The following SLC24A4 variants were observed in gnomAD, a reference collection of about 807,000 sequenced individuals.
The protein encoded by SLC24A4 is solute carrier family 24 member 4.
In SLC24A4, 53 loss-of-function variants were observed where a neutral mutation model predicts 79.0. The observed-to-expected ratio is 0.67, with a 90% CI of 0.54 to 0.84. SLC24A4 has a LOEUF of 0.84. Ranked by LOEUF, SLC24A4 falls within the 40% of genes least tolerant of loss-of-function variation. The pLI is 0.00. For synonymous variants in SLC24A4, 323 were observed against 323.8 expected, an observed-to-expected ratio of 1.00 and a Z score of 0.03; for missense variants, 731 against 822.0, an observed-to-expected ratio of 0.89 and a Z score of 1.35.
At chr14:92,431,971 T>C (rs1032527010) in intron 2 of SLC24A4, among the ~76,000 whole-genome samples, 3 of 152,168 alleles carry the variant, frequency 2.0e-5, no homozygotes, top group Non-Finnish European at 4.4e-5. Flanking sequence ...GCCTGGGTGC[T>C]CTGAGCTGCT....
intron 12 of SLC24A4, among the ~76,000 whole-genome samples, chr14:92,474,567 C>T (rs1486393228): frequency 6.6e-6 from 1 of 151,674 alleles, no homozygotes; most frequent in Non-Finnish European, 1.5e-5. Context: ...TCACTGCAAC[C>T]TCCACATCCC....
intron 2 of SLC24A4, among the ~76,000 whole-genome samples, chr14:92,367,378 A>G (rs1405349988): frequency 6.6e-6 from 1 of 152,258 alleles, no homozygotes; most frequent in African/African-American, 2.4e-5. Context: ...CAAGCAAACC[A>G]AGGCAGAGGG....
intron 12 of SLC24A4, among the ~76,000 whole-genome samples, chr14:92,476,469 A>G (rs1894772407): frequency 6.6e-6 from 1 of 152,112 alleles, no homozygotes; most frequent in African/African-American, 2.4e-5. Flanking sequence ...TTTTTAGTAA[A>G]AATACTTTTA....
chr14:92,452,987 G>C (rs759768010), intron 10 of SLC24A4: 10 of 152,246 alleles, frequency 6.6e-5, no homozygotes, highest in Non-Finnish European at 1.5e-4. Context: ...CATTTTTATA[G>C]CCCTTTGGAG....
intron 12 of SLC24A4, 59 bp from the exon 13 acceptor site, chr14:92,482,621 T>A: frequency 6.9e-7 from 1 of 1,443,872 alleles, no homozygotes; most frequent in Non-Finnish European, 9.3e-7. Context: ...GACTGGCAGG[T>A]GTGTTACCCA....
chr14:92,337,559 C>T (rs1054115971), intron 2 of SLC24A4, among the ~76,000 whole-genome samples: 2 of 152,224 alleles, frequency 1.3e-5, no homozygotes, highest in Non-Finnish European at 2.9e-5. Context: ...GAACATGGAT[C>T]CTGGAGCCAA....
At chr14:92,346,502 G>T (rs1247179462) in intron 2 of SLC24A4, among the ~76,000 whole-genome samples, 2 of 152,174 alleles carry the variant, frequency 1.3e-5, no homozygotes, top group Non-Finnish European at 2.9e-5. Context: ...AATATAACAC[G>T]TTGGGATGAG....
chr14:92,399,153 G>A (rs1047073554), intron 2 of SLC24A4, among the ~76,000 whole-genome samples: 2 of 152,132 alleles, frequency 1.3e-5, no homozygotes, highest in Non-Finnish European at 2.9e-5. Context: ...ATTTTCAGTA[G>A]GATATAGAGT....
At chr14:92,342,958 C>G (rs1036572944) in intron 2 of SLC24A4, among the ~76,000 whole-genome samples, 3 of 152,170 alleles carry the variant, frequency 2.0e-5, no homozygotes, top group Non-Finnish European at 4.4e-5. Flanking sequence ...GTTCAGGGTC[C>G]CACAAGGGCG....
chr14:92,436,393 A>G (rs7142645), intron 3 of SLC24A4, among the ~76,000 whole-genome samples: 3,836 of 152,096 alleles, frequency 0.025, 149 homozygotes, highest in African/African-American at 0.086. Context: ...GGAAGTGACT[A>G]TTTGGCCAGC....
chr14:92,429,346 G>C (rs1891734711), intron 2 of SLC24A4, among the ~76,000 whole-genome samples: 1 of 152,148 alleles, frequency 6.6e-6, no homozygotes, highest in South Asian at 2.1e-4. Context: ...AAACCACGAA[G>C]AATGAGTTTT....
intron 2 of SLC24A4, among the ~76,000 whole-genome samples, chr14:92,380,877 G>T (rs1220754723): frequency 2.0e-5 from 3 of 152,194 alleles, no homozygotes; most frequent in Non-Finnish European, 4.4e-5. Flanking sequence ...CGTGGACCAG[G>T]GAGGTGACTG....
intron 7 of SLC24A4, among the ~76,000 whole-genome samples, chr14:92,443,984 C>T (rs1403218595): frequency 6.6e-6 from 1 of 152,016 alleles, no homozygotes; most frequent in African/African-American, 2.4e-5. Flanking sequence ...TTTTCCTAAC[C>T]TGCTCTTGGG....
intron 2 of SLC24A4, among the ~76,000 whole-genome samples, chr14:92,338,682 G>A (rs887128006): frequency 1.3e-5 from 2 of 152,150 alleles, no homozygotes; most frequent in Non-Finnish European, 2.9e-5. Context: ...GTTCAGCTCT[G>A]TACCTAAGAT....
intron 2 of SLC24A4, among the ~76,000 whole-genome samples, chr14:92,405,056 C>T (rs1890305175): frequency 6.6e-6 from 1 of 151,984 alleles, no homozygotes; most frequent in South Asian, 2.1e-4. Context: ...AGAGAGGCCA[C>T]ACAGTGTAGT....
At chr14:92,376,346 A>G (rs115100545) in intron 2 of SLC24A4, among the ~76,000 whole-genome samples, 1,984 of 152,340 alleles carry the variant, frequency 0.013, 47 homozygotes, top group African/African-American at 0.045. Flanking sequence ...CCTCTTCTGC[A>G]AAAGGAAGAG....
intron 2 of SLC24A4, among the ~76,000 whole-genome samples, chr14:92,382,549 G>T (rs369342030): frequency 1.1e-4 from 16 of 152,276 alleles, no homozygotes; most frequent in African/African-American, 2.6e-4. Flanking sequence ...GGCTCTTTTG[G>T]TTACTGTATC....
At chr14:92,336,396 C>T (rs1852051228) in intron 2 of SLC24A4, among the ~76,000 whole-genome samples, 1 of 152,140 alleles carries the variant, frequency 6.6e-6, no homozygotes, top group South Asian at 2.1e-4. Context: ...TGGATGTCCT[C>T]CTTGGGAAAG....
chr14:92,350,098 T>C (rs1886785932), intron 2 of SLC24A4, among the ~76,000 whole-genome samples: 1 of 152,242 alleles, frequency 6.6e-6, no homozygotes, highest in African/African-American at 2.4e-5. Flanking sequence ...GGGTTATGAA[T>C]GTGTTGAGCC....
Sources: gnomAD v4.1 joint callset for allele counts (sites outside exome capture counted in the v4.1 genomes callset) on GRCh38, gnomAD v4.1.1 for gene constraint, MANE v1.5 for transcripts, NCBI Gene and HGNC (gene_info 2026-07-23, HGNC 2026-07-21) for gene names.